The following TENM2 variants were observed in gnomAD, a reference collection of about 807,000 sequenced individuals.
TENM2 encodes teneurin transmembrane protein 2, also known as teneurin-2.
TENM2 carries 52 observed loss-of-function variants against 245.2 expected under a neutral mutation model. The observed-to-expected ratio is 0.21, with a 90% CI of 0.17 to 0.27. The LOEUF (loss-of-function observed/expected upper bound fraction) is 0.27, where lower values mean the gene tolerates loss of function less well. Among genes scored for constraint, TENM2 ranks in the 10% least tolerant of loss-of-function variants. TENM2 has a pLI of 1.00. For synonymous variants in TENM2, 1,363 were observed against 1,438.9 expected (o/e 0.95, Z 1.19); for missense variants, 3,046 against 3,666.8 (o/e 0.83, Z 4.37).
chr5:167,230,251 A>G, the TENM2 span, among the ~76,000 whole-genome samples: 1 of 152,136 alleles, frequency 6.6e-6, no homozygotes, highest in Non-Finnish European at 1.5e-5. Flanking sequence ...TCACCTGACT[A>G]GGATTATAGG....
intron 4 of TENM2, among the ~76,000 whole-genome samples, chr5:167,968,191 G>T (rs999171616): frequency 2.0e-5 from 3 of 151,952 alleles, no homozygotes; most frequent in African/African-American, 7.3e-5. Context: ...CCTACATTAG[G>T]TTTTTTTCTT....
At chr5:167,206,225 C>G in the TENM2 span, among the ~76,000 whole-genome samples, 1 of 152,186 alleles carries the variant, frequency 6.6e-6, no homozygotes, top group Non-Finnish European at 1.5e-5. Context: ...CATCATCATT[C>G]CTGAGGCCTC....
chr5:167,608,477 G>A (rs540466427), intron 2 of TENM2, among the ~76,000 whole-genome samples: 2 of 152,312 alleles, frequency 1.3e-5, no homozygotes, highest in South Asian at 2.1e-4. Context: ...GCGCAAAGAT[G>A]ACAGAGTGCT....
intron 1 of TENM2, among the ~76,000 whole-genome samples, chr5:167,324,736 G>T (rs1365553251): frequency 6.6e-6 from 1 of 152,086 alleles, no homozygotes; most frequent in African/African-American, 2.4e-5. Context: ...AGTGGTATTT[G>T]CAATGCCTTA....
At chr5:167,900,137 G>T (rs896052631) in intron 3 of TENM2, among the ~76,000 whole-genome samples, 18 of 112,764 alleles carry the variant, frequency 1.6e-4, no homozygotes, top group African/African-American at 6.3e-4. Context: ...AAAAAAAGGG[G>T]GGGGGGGTTT....
At chr5:167,041,361 T>C in the TENM2 span, among the ~76,000 whole-genome samples, 1 of 152,308 alleles carries the variant, frequency 6.6e-6, no homozygotes, top group Non-Finnish European at 1.5e-5. Context: ...TATCCACAGC[T>C]ACTACCAATG....
rs181318861 is a variant in TENM2 at position 167,831,394 on chromosome 5, G to T, written c.503-44592G>T. ...CTTCAGGTCCTCTGAGGTCTTATAGGGCCCATGTTATATTCCTAGTGGTTG... is the reference window on the plus strand; with the variant it reads ...CTTCAGGTCCTCTGAGGTCTTATAGTGCCCATGTTATATTCCTAGTGGTTG... On this transcript the variant is annotated intron_variant, in intron 2 of 28. Coordinates refer to ENST00000518659, the Ensembl canonical transcript of TENM2. Among the ~76,000 whole-genome samples the T allele has an allele frequency of 6.6e-5, 10 of 151,758 alleles. No individual in the cohort carries two copies. In the East Asian group the frequency reaches 1.9e-3, roughly 29 times the overall value.
chr5:167,428,684 G>C (rs1764029025), intron 2 of TENM2, among the ~76,000 whole-genome samples: 1 of 152,128 alleles, frequency 6.6e-6, no homozygotes, highest in African/African-American at 2.4e-5. Flanking sequence ...TCTTAAAATT[G>C]AGTGGCCTTG....
At chr5:168,043,561 G>A (rs1328230320) in intron 5 of TENM2, among the ~76,000 whole-genome samples, 2 of 152,148 alleles carry the variant, frequency 1.3e-5, no homozygotes, top group African/African-American at 4.8e-5. Context: ...AAACCTAAAG[G>A]GATGCACAGA....
At chr5:167,087,323 A>G in the TENM2 span, among the ~76,000 whole-genome samples, 1 of 152,110 alleles carries the variant, frequency 6.6e-6, no homozygotes, top group East Asian at 1.9e-4. Context: ...CCTGTTTGCA[A>G]TCTACATGAG....
chr5:167,883,152 A>G (rs1036647596), intron 3 of TENM2, among the ~76,000 whole-genome samples: 1 of 152,160 alleles, frequency 6.6e-6, no homozygotes, highest in South Asian at 2.1e-4. Context: ...GTTGATGGCA[A>G]TCCCATCAAG....
intron 2 of TENM2, among the ~76,000 whole-genome samples, chr5:167,580,727 T>A (rs1775031157): frequency 1.3e-5 from 2 of 152,232 alleles, no homozygotes; most frequent in African/African-American, 2.4e-5. Flanking sequence ...CAGTGGCTCA[T>A]GCCTATAATC....
Position 168,224,562 on chromosome 5 carries a change from C to T in TENM2, c.5109-1526C>T, listed in dbSNP as rs554524620. 8.3e-4 allele frequency among the ~76,000 whole-genome samples: 126 copies of T among 152,238 alleles called. 1 individual carries two copies. Among genetic ancestry groups the T allele is most frequent in the South Asian group, 3.1e-3 (15 of 4,822 alleles). On this transcript the variant is annotated intron_variant, in intron 23 of 28. Coordinates refer to ENST00000518659, the Ensembl canonical transcript of TENM2. ...TGATGTTGTCATCCTAAGCCCTAAG[C>T]GACAACATCCAACAGGCCACAGCGG...
intron 19 of TENM2, among the ~76,000 whole-genome samples, chr5:168,207,438 G>A (rs1272130974): frequency 1.3e-5 from 2 of 152,140 alleles, no homozygotes; most frequent in Non-Finnish European, 2.9e-5. Flanking sequence ...GCGGAATGTG[G>A]CTCCCAGTTT....
the TENM2 span, among the ~76,000 whole-genome samples, chr5:167,152,413 A>G: frequency 3.8e-4 from 58 of 152,304 alleles, no homozygotes; most frequent in African/African-American, 1.3e-3. Context: ...GGAGGAAAAT[A>G]TTATTTTCTC....
At chr5:167,663,282 T>G (rs1003538836) in intron 2 of TENM2, among the ~76,000 whole-genome samples, 1 of 152,168 alleles carries the variant, frequency 6.6e-6, no homozygotes, top group African/African-American at 2.4e-5. Context: ...AGTTAGGATT[T>G]ATTGGTGACA....
At chr5:167,320,902 C>A (rs963281822) in intron 1 of TENM2, among the ~76,000 whole-genome samples, 2 of 151,668 alleles carry the variant, frequency 1.3e-5, no homozygotes, top group Admixed American at 6.6e-5. Flanking sequence ...TTTCAAGTAT[C>A]CTTTTTACTT....
intron 22 of TENM2, 49 bp downstream of exon 24, chr5:168,216,971 C>T (rs773539952): frequency 6.3e-7 from 1 of 1,598,974 alleles, no homozygotes; most frequent in South Asian, 1.1e-5. Flanking sequence ...TGCCCCTTGG[C>T]CTGAGGTTCT....
intron 25 of TENM2, among the ~76,000 whole-genome samples, chr5:168,228,354 T>TA (rs1562307972): frequency 6.6e-6 from 1 of 152,218 alleles, no homozygotes; most frequent in East Asian, 1.9e-4. Context: ...TTGGGACTCA[T>TA]ACCTTGGGAA....
Sources: allele counts gnomAD v4.1 joint callset (sites outside exome capture counted in the v4.1 genomes callset), GRCh38; gene constraint gnomAD v4.1.1; transcripts MANE v1.5; gene names NCBI Gene and HGNC (gene_info 2026-07-23, HGNC 2026-07-21).